CSPP1: variants seen among roughly 807,000 people sequenced by gnomAD.
The protein encoded by CSPP1 is centrosome and spindle pole-associated protein 1.
CSPP1 carries 126 observed loss-of-function variants against 164.4 expected under a neutral mutation model. That is an observed-to-expected ratio of 0.77 (90% CI 0.66 to 0.89). The LOEUF is 0.89. CSPP1 is among the 40% of genes least tolerant of loss of function. The pLI, the probability that CSPP1 is intolerant of heterozygous loss-of-function variation, is 0.00. For missense variants in CSPP1, 1,395 were observed against 1,449.8 expected (o/e 0.96, Z 0.61); for synonymous variants, 472 against 476.7 (o/e 0.99, Z 0.13).
rs537058136 is a variant in CSPP1 at position 67,167,596 on chromosome 8, C to T, written c.2828+3088C>T. Among the ~76,000 whole-genome samples, 45 of 150,112 alleles carry T rather than the reference C, an allele frequency of 3.0e-4. No homozygotes were observed. In the South Asian group the frequency reaches 7.6e-3, roughly 25 times the overall value. On this transcript the variant is annotated intron_variant, in intron 24 of 30. Transcript: ENST00000678616. ...CTTCTCAGACGGGGCAGCTGCCGGG[C>T]GGAGGGGCTCCTCACTTCTCAGACA...
intron 22 of CSPP1, 90 bp from the exon 23 acceptor site, chr8:67,163,642 T>C: frequency 1.1e-6 from 1 of 920,134 alleles, no homozygotes; most frequent in Non-Finnish European, 1.7e-6. Context: ...TTGGTTTCCT[T>C]TACATATAAA....
chr8:67,092,002 A>T, intron 5 of CSPP1, 119 bp downstream of exon 5: 1 of 282,786 alleles, frequency 3.5e-6, no homozygotes, highest in South Asian at 4.4e-5. Context: ...ACACTTGAAT[A>T]TATTTCTATT....
intron 15 of CSPP1, among the ~76,000 whole-genome samples, chr8:67,122,914 T>C (rs1384600049): frequency 3.3e-5 from 5 of 151,896 alleles, no homozygotes; most frequent in Admixed American, 3.3e-4. Context: ...GTGTGTGTTC[T>C]GATATACAGT....
intron 3 of CSPP1, among the ~76,000 whole-genome samples, chr8:67,082,448 G>A (rs1294175212): frequency 1.3e-5 from 2 of 152,162 alleles, no homozygotes; most frequent in African/African-American, 2.4e-5. Context: ...TTGTATGAGT[G>A]AAATGGGTCC....
rs775044108 is a variant in CSPP1, at chr8:67,076,505, T to G, written c.123T>G (p.Ser41=). Residue 41 remains serine, a synonymous_variant, in exon 3 of 31, where the codon TCT becomes TCG. Coordinates refer to ENST00000678616, the MANE Select transcript of CSPP1 (RefSeq NM_001382391.1). Reference sequence around the variant, plus strand: ...AGGGAAAGTTGTCAGCGAAGCTTTCTGAAAACAGTAAGATACTGATCTCTA... The same window carrying G: ...AGGGAAAGTTGTCAGCGAAGCTTTCGGAAAACAGTAAGATACTGATCTCTA... ...EMKGKLSAKL[S]ENSKILISMA... 1 of 1,592,356 alleles carries G rather than the reference T, an allele frequency of 6.3e-7. No homozygotes were observed. Among genetic ancestry groups the G allele is most frequent in the Non-Finnish European group, 8.5e-7 (1 of 1,172,342 alleles).
chr8:67,115,565 T>G lies in CSPP1; in HGVS notation c.1288-349T>G, dbSNP rs967216217. Among the ~76,000 whole-genome samples the G allele has an allele frequency of 3.7e-4, 57 of 152,026 alleles. 1 individual carries two copies. The highest frequency in any genetic ancestry group is 3.9e-4 in the Admixed American group (6 of 15,250). On this transcript the variant is annotated intron_variant, in intron 12 of 30. Coordinates refer to ENST00000678616, the MANE Select transcript of CSPP1 (RefSeq NM_001382391.1). ...CAGGTGCCTGTAACCCCAGCTACTC[T>G]GAGGCTGAGGCAGGAGAATTGCTTG... is the stretch of plus-strand genomic sequence containing the variant.
chr8:67,127,494 T>A (rs1431130080), intron 15 of CSPP1, among the ~76,000 whole-genome samples: 1 of 152,182 alleles, frequency 6.6e-6, no homozygotes, highest in Non-Finnish European at 1.5e-5. Context: ...CTAAACCTAA[T>A]TACCTCTCAT....
At chr8:67,104,462 T>A (rs916381075) in intron 8 of CSPP1, among the ~76,000 whole-genome samples, 1 of 152,030 alleles carries the variant, frequency 6.6e-6, no homozygotes, top group South Asian at 2.1e-4. Flanking sequence ...AGAGTCAGGA[T>A]CTCTGTTGTC....
intron 30 of CSPP1, among the ~76,000 whole-genome samples, 157 bp from the exon 31 acceptor site, chr8:67,195,225 G>A (rs915850050): frequency 3.3e-5 from 5 of 151,908 alleles, no homozygotes; most frequent in African/African-American, 9.7e-5. Flanking sequence ...AGGGTGGGGT[G>A]GGGTGAGTCT....
intron 17 of CSPP1, among the ~76,000 whole-genome samples, chr8:67,145,303 T>C (rs946449458): frequency 2.0e-5 from 3 of 152,174 alleles, no homozygotes; most frequent in Non-Finnish European, 4.4e-5. Context: ...TGGTGATGGC[T>C]TCTCATTCAT....
chr8:67,108,722 T>C (rs930796890), intron 9 of CSPP1, among the ~76,000 whole-genome samples: 1 of 152,178 alleles, frequency 6.6e-6, no homozygotes, highest in Non-Finnish European at 1.5e-5. Context: ...GGGATGGGTC[T>C]TTCTCAACAT....
At chr8:67,173,029 T>G (rs1200401701) in intron 25 of CSPP1, 1 of 152,416 alleles carries the variant, frequency 6.6e-6, no homozygotes, top group African/African-American at 2.4e-5. Flanking sequence ...AGCTAGAGCT[T>G]TTTAAGTGGA....
chr8:67,078,349 C>CT (rs1034873560), intron 3 of CSPP1, among the ~76,000 whole-genome samples: 19 of 148,426 alleles, frequency 1.3e-4, no homozygotes, highest in East Asian at 5.9e-4. Flanking sequence ...TCCTTAACAT[C>CT]TTTTTTTTTT....
At chr8:67,093,480 C>A in intron 5 of CSPP1, 63 bp from the exon 6 acceptor site, 1 of 947,214 alleles carries the variant, frequency 1.1e-6, no homozygotes, top group Non-Finnish European at 1.7e-6. Flanking sequence ...TCTGATAGGA[C>A]ATTGAGGGAT....
intron 2 of CSPP1, among the ~76,000 whole-genome samples, chr8:67,076,221 C>G (rs1807880296): frequency 6.6e-6 from 1 of 151,968 alleles, no homozygotes; most frequent in South Asian, 2.1e-4. Context: ...TTTTAAAACT[C>G]TTATACTTTC....
intron 8 of CSPP1, among the ~76,000 whole-genome samples, chr8:67,104,966 A>ATATATATT (rs1247108884): frequency 6.6e-5 from 4 of 60,750 alleles, no homozygotes; most frequent in African/African-American, 2.1e-4. Context: ...ATATATATAT[A>ATATATATT]TTTTTTTTTT....
rs1243709981 is a variant in CSPP1, at chr8:67,094,596, A to T, written c.484-697A>T. Among the ~76,000 whole-genome samples, 8 of 150,968 alleles carry T rather than the reference A, an allele frequency of 5.3e-5. No individual in the cohort carries two copies. The East Asian group carries it at 1.2e-3, about 22-fold the overall frequency. ...CACAGAAAGGTAAAATTTTCTTGAA[A>T]TTTTTTTTTCTAAAAAAATATATGG... On this transcript the variant is annotated intron_variant, in intron 6 of 30. Coordinates refer to ENST00000678616, the MANE Select transcript of CSPP1 (RefSeq NM_001382391.1).
intron 15 of CSPP1, among the ~76,000 whole-genome samples, chr8:67,125,312 T>G (rs977293748): frequency 1.3e-5 from 2 of 152,206 alleles, no homozygotes. Context: ...TTATGGTTTC[T>G]GATAAGCTGT....
intron 29 of CSPP1, among the ~76,000 whole-genome samples, chr8:67,192,442 A>G (rs1836618210): frequency 6.6e-6 from 1 of 152,116 alleles, no homozygotes; most frequent in Non-Finnish European, 1.5e-5. Flanking sequence ...TTCTCACTAC[A>G]AGTCTAGTTA....
Sources: allele counts gnomAD v4.1 joint callset (sites outside exome capture counted in the v4.1 genomes callset), GRCh38; gene constraint gnomAD v4.1.1; transcripts MANE v1.5; gene names NCBI Gene and HGNC (gene_info 2026-07-23, HGNC 2026-07-21).